Variants in TSPAN9 observed in about 807,000 individuals in gnomAD.
The protein encoded by TSPAN9 is tetraspanin 9, also known as tetraspanin-9.
Under a neutral mutation model 31.0 loss-of-function variants are expected in TSPAN9, and 16 were observed. The observed-to-expected ratio is 0.52, with a 90% CI of 0.35 to 0.78. The LOEUF (loss-of-function observed/expected upper bound fraction) is 0.78. TSPAN9 is among the 30% of genes least tolerant of loss of function. The pLI is 0.01. For synonymous variants in TSPAN9, 145 were observed against 121.6 expected, an observed-to-expected ratio of 1.19 and a Z score of -1.27; for missense variants, 272 against 312.5, an observed-to-expected ratio of 0.87 and a Z score of 0.98.
intron 3 of TSPAN9, among the ~76,000 whole-genome samples, chr12:3,225,780 C>G (rs559880303): frequency 6.6e-6 from 1 of 151,706 alleles, no homozygotes; most frequent in African/African-American, 2.4e-5. Context: ...ATCAGAGGGT[C>G]TTGTGACTAG....
chr12:3,125,453 G>A (rs566410732), intron 2 of TSPAN9, among the ~76,000 whole-genome samples: 5 of 151,956 alleles, frequency 3.3e-5, no homozygotes, highest in Admixed American at 6.6e-5. Flanking sequence ...TCTTCCCCCC[G>A]CAGTTTTCTC....
rs2098340398 is a variant in TSPAN9 at position 3,152,672 on chromosome 12, G to A, written c.-17-48505G>A. Among the ~76,000 whole-genome samples the A allele has an allele frequency of 5.3e-5, 8 of 151,986 alleles. No homozygotes were observed. The South Asian group carries it at 1.7e-3, about 32-fold the overall frequency. On this transcript the variant is annotated intron_variant, in intron 2 of 8. Coordinates refer to ENST00000011898, the MANE Select transcript of TSPAN9 (RefSeq NM_006675.5). The stretch of plus-strand genomic sequence containing the variant: ...GCGATCTTGGCTCACTGCAACCTCC[G>A]CCTCCCAGGTTCAAGCAATTCTCCC...
intron 4 of TSPAN9, 109 bp from the exon 5 acceptor site, chr12:3,278,883 C>A (rs1862845233): frequency 1.6e-6 from 2 of 1,215,418 alleles, no homozygotes; most frequent in Non-Finnish European, 1.2e-6. Flanking sequence ...TGGCTTCTCC[C>A]AGACCTGGGA....
At chr12:3,105,843 C>T (rs542954524) in intron 2 of TSPAN9, among the ~76,000 whole-genome samples, 3 of 124,778 alleles carry the variant, frequency 2.4e-5, no homozygotes, top group Non-Finnish European at 5.4e-5. Flanking sequence ...TTCATACACA[C>T]GCTCACACAC....
At chr12:3,204,964 C>T (rs1399466589) in intron 3 of TSPAN9, among the ~76,000 whole-genome samples, 4 of 152,102 alleles carry the variant, frequency 2.6e-5, no homozygotes, top group East Asian at 1.9e-4. Context: ...AAAGGAGACT[C>T]GGAGCTTCAA....
intron 2 of TSPAN9, among the ~76,000 whole-genome samples, chr12:3,116,732 C>CT (rs879375784): frequency 6.6e-6 from 1 of 152,214 alleles, no homozygotes; most frequent in Non-Finnish European, 1.5e-5. Flanking sequence ...GGCCGTGCCT[C>CT]TGCCGTCAGA....
At chr12:3,122,013 C>A (rs1241979847) in intron 2 of TSPAN9, among the ~76,000 whole-genome samples, 1 of 152,096 alleles carries the variant, frequency 6.6e-6, no homozygotes, top group African/African-American at 2.4e-5. Context: ...TGAGTTCTCC[C>A]CTCCCCTCCC....
intron 3 of TSPAN9, among the ~76,000 whole-genome samples, chr12:3,247,121 G>T (rs373581020): frequency 1.3e-5 from 2 of 152,140 alleles, no homozygotes; most frequent in African/African-American, 4.8e-5. Flanking sequence ...GTCGAGCATC[G>T]TCGGGTTTAT....
chr12:3,264,323 C>T lies in TSPAN9; in HGVS notation c.64-14098C>T, dbSNP rs529928169. ...CCTTCTGGGTCACAGAACAGCTTCC[C>T]GCCCGCCAGCCCGCCTCAACCCACC... On this transcript the variant is annotated intron_variant, in intron 3 of 8. Transcript: ENST00000011898. Among the ~76,000 whole-genome samples the T allele has an allele frequency of 1.1e-4, 16 of 152,298 alleles. No homozygotes were observed. The East Asian group carries it at 1.2e-3, about 11-fold the overall frequency.
At position 3,279,078 on chromosome 12, in the gene TSPAN9, C is replaced by T. The variant is rs1565644495; in HGVS notation, c.330+12C>T. On this transcript the variant is annotated intron_variant, in intron 5 of 8. Transcript: ENST00000011898. ...TCTACATGGACAAGGTAAGCCTTACCAGATGGGAGGGGGCATATGGAATGT... is the reference window on the plus strand; with the variant it reads ...TCTACATGGACAAGGTAAGCCTTACTAGATGGGAGGGGGCATATGGAATGT... 6.2e-7 allele frequency: 1 copy of T among 1,612,704 alleles called. No individual in the cohort carries two copies. The highest frequency in any genetic ancestry group is 8.5e-7 in the Non-Finnish European group (1 of 1,178,818).
chr12:3,144,301 A>G (rs534650815), intron 2 of TSPAN9, among the ~76,000 whole-genome samples: 10 of 152,162 alleles, frequency 6.6e-5, no homozygotes, highest in Non-Finnish European at 5.9e-5. Flanking sequence ...GGGTTTCACC[A>G]TGTTGGCCAG....
chr12:3,130,943 C>T (rs577437250), intron 2 of TSPAN9, among the ~76,000 whole-genome samples: 2 of 152,154 alleles, frequency 1.3e-5, no homozygotes, highest in African/African-American at 4.8e-5. Context: ...AGGGGTCTTA[C>T]GTTGTAGCCG....
intron 2 of TSPAN9, among the ~76,000 whole-genome samples, chr12:3,176,813 T>A (rs1364610619): frequency 1.3e-5 from 2 of 152,214 alleles, no homozygotes; most frequent in African/African-American, 4.8e-5. Flanking sequence ...CAGGCCCTCC[T>A]GAGTTGCCTG....
chr12:3,219,875 C>G lies in TSPAN9; in HGVS notation c.63+18619C>G, dbSNP rs1422269070. On this transcript the variant is annotated intron_variant, in intron 3 of 8. Coordinates refer to ENST00000011898, the MANE Select transcript of TSPAN9 (RefSeq NM_006675.5). ...AAAAAAAAAAAAAAAAGGAATGAGG[C>G]TGGGTGCTGTGGCCCACGCCGGTAA... Among the ~76,000 whole-genome samples, 9 of 145,038 alleles carry G rather than the reference C, an allele frequency of 6.2e-5. No homozygotes were observed. The Admixed American group carries it at 6.2e-4, about 10-fold the overall frequency.
chr12:3,144,229 T>C (rs972827854), intron 2 of TSPAN9, among the ~76,000 whole-genome samples: 7 of 152,170 alleles, frequency 4.6e-5, no homozygotes, highest in Non-Finnish European at 1.0e-4. Context: ...GCCACCCTAG[T>C]AGCTGGGATT....
chr12:3,244,132 G>A (rs532367476), intron 3 of TSPAN9, among the ~76,000 whole-genome samples: 11 of 152,292 alleles, frequency 7.2e-5, no homozygotes, highest in East Asian at 1.9e-4. Flanking sequence ...GTGCTTAAGC[G>A]ATGCTGTTTT....
chr12:3,259,821 A>G (rs1332119460), intron 3 of TSPAN9, among the ~76,000 whole-genome samples: 1 of 152,198 alleles, frequency 6.6e-6, no homozygotes, highest in East Asian at 1.9e-4. Flanking sequence ...AGCAAAAACC[A>G]CTGGAGAAAT....
chr12:3,101,979 T>C (rs2098312044), intron 2 of TSPAN9, among the ~76,000 whole-genome samples: 1 of 152,160 alleles, frequency 6.6e-6, no homozygotes, highest in Non-Finnish European at 1.5e-5. Context: ...GTCTTTCTTT[T>C]CCTCGGACTG....
intron 2 of TSPAN9, chr12:3,151,088 G>A (rs1021384699): frequency 5.9e-5 from 9 of 152,222 alleles, no homozygotes; most frequent in African/African-American, 2.2e-4. Context: ...AAAATCCAGC[G>A]GTGTTTCTGG....
Sources: gnomAD v4.1 joint callset for allele counts (sites outside exome capture counted in the v4.1 genomes callset) on GRCh38, gnomAD v4.1.1 for gene constraint, MANE v1.5 for transcripts, NCBI Gene and HGNC (gene_info 2026-07-23, HGNC 2026-07-21) for gene names.